The following TPST1 variants were observed in gnomAD, a reference collection of about 807,000 sequenced individuals.
TPST1 encodes the protein protein-tyrosine sulfotransferase 1.
Under a neutral mutation model 34.8 loss-of-function variants are expected in TPST1, and 20 were observed. The ratio of observed to expected loss-of-function variants is 0.57; its 90% confidence interval spans 0.40 to 0.84. The LOEUF (loss-of-function observed/expected upper bound fraction) is 0.84, where lower values mean the gene tolerates loss of function less well. Ranked by LOEUF, TPST1 falls within the 40% of genes least tolerant of loss-of-function variation. TPST1 has a pLI of 0.00. For synonymous variants in TPST1, 152 were observed against 159.4 expected (o/e 0.95, Z 0.35); for missense variants, 353 against 455.5 (o/e 0.78, Z 2.05).
Position 66,349,818 on chromosome 7 carries a change from A to T in TPST1, c.1045-2687A>T, listed in dbSNP as rs375328248. On this transcript the variant is annotated intron_variant, in intron 3 of 5. Transcript: ENST00000304842. ...GAATCTGGTAAAAACAAAAACAACA[A>T]CAACAAAAAACCCAAAACAAATAAA... 2.1e-3 allele frequency among the ~76,000 whole-genome samples: 313 copies of T among 152,198 alleles called. 2 individuals carry two copies. The highest frequency in any genetic ancestry group is 7.4e-3 in the African/African-American group (306 of 41,538).
At chr7:66,272,336 G>A (rs991494190) in intron 2 of TPST1, among the ~76,000 whole-genome samples, 1 of 152,038 alleles carries the variant, frequency 6.6e-6, no homozygotes, top group African/African-American at 2.4e-5. Flanking sequence ...TAATAAATGC[G>A]ATATACCACA....
At chr7:66,279,000 C>T (rs141050064) in intron 2 of TPST1, among the ~76,000 whole-genome samples, 10 of 152,124 alleles carry the variant, frequency 6.6e-5, no homozygotes, top group African/African-American at 2.4e-4. Flanking sequence ...TTGTCTGTCA[C>T]GGGGGTTTGG....
intron 2 of TPST1, among the ~76,000 whole-genome samples, chr7:66,248,009 T>C (rs935154615): frequency 6.8e-6 from 1 of 147,642 alleles, no homozygotes; most frequent in Non-Finnish European, 1.5e-5. Flanking sequence ...TTGAAAAATA[T>C]ATTTTTGAAA....
At chr7:66,241,520 A>G (rs968144920) in intron 2 of TPST1, among the ~76,000 whole-genome samples, 1 of 152,002 alleles carries the variant, frequency 6.6e-6, no homozygotes, top group Non-Finnish European at 1.5e-5. Flanking sequence ...GGCCCTCTTT[A>G]TTTGTTTGAT....
At chr7:66,318,443 T>C (rs1015183303) in intron 3 of TPST1, among the ~76,000 whole-genome samples, 1 of 152,028 alleles carries the variant, frequency 6.6e-6, no homozygotes, top group Admixed American at 6.6e-5. Flanking sequence ...TTGGTTTCCT[T>C]TTTTTTCCCC....
intron 1 of TPST1, among the ~76,000 whole-genome samples, chr7:66,234,206 T>G (rs189179450): frequency 1.5e-4 from 23 of 152,324 alleles, no homozygotes; most frequent in African/African-American, 5.3e-4. Flanking sequence ...TTACATGGCT[T>G]TTGCATATCT....
At chr7:66,227,592 G>C (rs1789689885) in intron 1 of TPST1, among the ~76,000 whole-genome samples, 1 of 151,476 alleles carries the variant, frequency 6.6e-6, no homozygotes, top group Non-Finnish European at 1.5e-5. Context: ...TGGATGCCGA[G>C]TTGAGAATAG....
At chr7:66,264,828 T>TTTC (rs527621239) in intron 2 of TPST1, among the ~76,000 whole-genome samples, 87 of 152,210 alleles carry the variant, frequency 5.7e-4, no homozygotes, top group Non-Finnish European at 6.9e-4. Context: ...GACGTTAGAA[T>TTTC]TTCTAGACAA....
chr7:66,326,151 A>G (rs1468946701), intron 3 of TPST1, among the ~76,000 whole-genome samples: 1 of 152,164 alleles, frequency 6.6e-6, no homozygotes, highest in Non-Finnish European at 1.5e-5. Context: ...AATGGAGATG[A>G]CTATGAAAGG....
Position 66,264,201 on chromosome 7 carries a change from A to G in TPST1, c.846-22310A>G, listed in dbSNP as rs556452087. Among the ~76,000 whole-genome samples, 4 of 152,342 alleles carry G rather than the reference A, an allele frequency of 2.6e-5. No homozygotes were observed. In the South Asian group the frequency reaches 8.3e-4, roughly 32 times the overall value. On this transcript the variant is annotated intron_variant, in intron 2 of 5. Transcript: ENST00000304842. ...AGAAACATTTACAGACAAATAATTTAGTCATTGCTTCCTGAATCAAGAAAT... is the reference window on the plus strand; with the variant it reads ...AGAAACATTTACAGACAAATAATTTGGTCATTGCTTCCTGAATCAAGAAAT...
At chr7:66,269,789 A>G (rs562422358) in intron 2 of TPST1, among the ~76,000 whole-genome samples, 1 of 152,316 alleles carries the variant, frequency 6.6e-6, no homozygotes, top group African/African-American at 2.4e-5. Flanking sequence ...GAGGTTGCCA[A>G]GAGCTGGGAT....
intron 2 of TPST1, among the ~76,000 whole-genome samples, chr7:66,256,134 G>T (rs1378429004): frequency 6.6e-6 from 1 of 152,188 alleles, no homozygotes; most frequent in Non-Finnish European, 1.5e-5. Flanking sequence ...TCCCAGAACA[G>T]AGTTCACTCT....
intron 3 of TPST1, 98 bp from the exon 4 acceptor site, chr7:66,352,407 G>T (rs1792498436): frequency 4.5e-6 from 7 of 1,541,118 alleles, no homozygotes; most frequent in Non-Finnish European, 5.2e-6. Flanking sequence ...CACCAGCAGT[G>T]GAGCAGTAAA....
At chr7:66,346,715 C>A (rs1055087554) in intron 3 of TPST1, among the ~76,000 whole-genome samples, 2 of 151,936 alleles carry the variant, frequency 1.3e-5, no homozygotes, top group Non-Finnish European at 2.9e-5. Context: ...GCTCTTTATT[C>A]TGGTTATTAG....
intron 3 of TPST1, among the ~76,000 whole-genome samples, chr7:66,301,840 A>C (rs1373573502): frequency 2.0e-5 from 3 of 152,246 alleles, no homozygotes; most frequent in Non-Finnish European, 2.9e-5. Context: ...AGAAGCTTCA[A>C]ATATTGCAAG....
chr7:66,336,166 AG>A (rs1290997244), intron 3 of TPST1, among the ~76,000 whole-genome samples: 8 of 152,196 alleles, frequency 5.3e-5, no homozygotes, highest in African/African-American at 1.9e-4. Context: ...AAAAATAAGC[AG>A]GGCCTGGTGG....
intron 1 of TPST1, among the ~76,000 whole-genome samples, chr7:66,217,268 A>G (rs1241854832): frequency 2.0e-5 from 3 of 152,164 alleles, no homozygotes; most frequent in Non-Finnish European, 4.4e-5. Context: ...TGCTTTATCC[A>G]TTAGTGAAAG....
chr7:66,265,169 G>C (rs1198055946), intron 2 of TPST1, among the ~76,000 whole-genome samples: 1 of 152,188 alleles, frequency 6.6e-6, no homozygotes, highest in Non-Finnish European at 1.5e-5. Flanking sequence ...AGCCTAAAGA[G>C]ACCTGTGGGA....
chr7:66,238,171 C>G (rs1325794249), intron 1 of TPST1, among the ~76,000 whole-genome samples: 1 of 152,034 alleles, frequency 6.6e-6, no homozygotes, highest in African/African-American at 2.4e-5. Context: ...GGGTGATTAC[C>G]CTTATCTTAT....
Sources: gnomAD v4.1 joint callset for allele counts (sites outside exome capture counted in the v4.1 genomes callset) on GRCh38, gnomAD v4.1.1 for gene constraint, MANE v1.5 for transcripts, NCBI Gene and HGNC (gene_info 2026-07-23, HGNC 2026-07-21) for gene names.